Variants in LEPR observed in about 807,000 individuals in gnomAD.
LEPR encodes leptin receptor.
In LEPR, 56 loss-of-function variants were observed where a neutral mutation model predicts 114.7. The ratio of observed to expected loss-of-function variants is 0.49; its 90% CI spans 0.39 to 0.61. The LOEUF is 0.61. LEPR is among the 20% of genes least tolerant of loss of function. The pLI, the probability that LEPR is intolerant of heterozygous loss-of-function variation, is 0.00. For synonymous variants in LEPR, 443 were observed against 461.4 expected, an observed-to-expected ratio of 0.96 and a Z score of 0.51; for missense variants, 1,202 against 1,352.9, an observed-to-expected ratio of 0.89 and a Z score of 1.75.
chr1:65,605,726 C>T (rs1363599689), intron 11 of LEPR, among the ~76,000 whole-genome samples: 1 of 152,058 alleles, frequency 6.6e-6, no homozygotes, highest in Non-Finnish European at 1.5e-5. Flanking sequence ...CAATGACATA[C>T]ATTATATTTT....
chr1:65,549,131 T>C (rs1652052952), intron 2 of LEPR, among the ~76,000 whole-genome samples: 1 of 151,608 alleles, frequency 6.6e-6, no homozygotes, highest in African/African-American at 2.4e-5. Context: ...ATGTTGAATA[T>C]TGGTCCCCAC....
chr1:65,464,704 C>T (rs1646987754), intron 2 of LEPR, among the ~76,000 whole-genome samples: 1 of 152,100 alleles, frequency 6.6e-6, no homozygotes, highest in Admixed American at 6.5e-5. Context: ...AATTTCAGAA[C>T]CTGTTATTGG....
chr1:65,586,409 C>CT (rs1334747770), intron 5 of LEPR, among the ~76,000 whole-genome samples: 1 of 152,010 alleles, frequency 6.6e-6, no homozygotes, highest in Non-Finnish European at 1.5e-5. Flanking sequence ...GTACAAAATA[C>CT]TTTTGGCTTA....
chr1:65,573,714 T>C (rs1654373707), intron 5 of LEPR, among the ~76,000 whole-genome samples: 1 of 152,106 alleles, frequency 6.6e-6, no homozygotes, highest in African/African-American at 2.4e-5. Context: ...ACTGTCCCTA[T>C]ACAAATGAAT....
At chr1:65,484,931 G>A (rs184412453) in intron 2 of LEPR, among the ~76,000 whole-genome samples, 18 of 152,264 alleles carry the variant, frequency 1.2e-4, no homozygotes, top group African/African-American at 3.6e-4. Flanking sequence ...ATGTTTATAA[G>A]GAAATCTGCT....
rs181350595 is a variant in LEPR, at chr1:65,633,707, C to T, written c.2674-2484C>T. 533 of 985,314 alleles carry T rather than the reference C, an allele frequency of 5.4e-4. 2 individuals are homozygous for T. The African/African-American group carries it at 8.3e-3, about 15-fold the overall frequency. The allele number at this position is 985,314 out of a possible 1,614,324, so 61.0% of individuals were successfully genotyped here. ...ACGTCAGCCTAAAAATCAGCCTATT[C>T]GGGTGTTCTTTTGAATATCTCCTGG... On this transcript the variant is annotated intron_variant, in intron 19 of 19. Transcript: ENST00000349533. This position sits in a 1 kb window ranked among gnomAD's most constrained non-coding sequence, Gnocchi z 4.1.
intron 2 of LEPR, among the ~76,000 whole-genome samples, chr1:65,558,526 GTTTTTTTT>G (rs1187502644): frequency 1.3e-4 from 1 of 7,748 alleles, no homozygotes; most frequent in African/African-American, 5.5e-4. Context: ...TGAATCAGAA[GTTTTTTTT>G]TTTGTTTTTT....
At chr1:65,634,486 T>G in intron 19 of LEPR, 1 of 947,102 alleles carries the variant, frequency 1.1e-6, no homozygotes, top group Non-Finnish European at 1.3e-6. Flanking sequence ...ATGGATATAC[T>G]TTTAATAAAG....
chr1:65,513,088 G>C (rs1649108971), intron 2 of LEPR, among the ~76,000 whole-genome samples: 1 of 152,118 alleles, frequency 6.6e-6, no homozygotes, highest in Non-Finnish European at 1.5e-5. Flanking sequence ...GAACAATCTT[G>C]ACTGGCCTTT....
Position 65,636,979 on chromosome 1 carries a change from GATC to G in LEPR, c.3465_3467del (p.Ile1155del). On this transcript the variant is annotated inframe_deletion, in exon 20 of 20. Transcript: ENST00000349533. ...AAACTTGTTCTACTCAGACTCATAAGATCATGGAAAACAAGATGTGTGACCTAA... is the reference window on the plus strand; with the variant it reads ...AAACTTGTTCTACTCAGACTCATAAGATGGAAAACAAGATGTGTGACCTAA... 6.2e-7 allele frequency: 1 copy of G among 1,613,552 alleles called. No individual in the cohort carries two copies. The highest frequency in any genetic ancestry group is 8.5e-7 in the Non-Finnish European group (1 of 1,179,882).
chr1:65,617,890 T>C, intron 15 of LEPR, 74 bp from the exon 16 acceptor site: 1 of 1,428,670 alleles, frequency 7.0e-7, no homozygotes, highest in Non-Finnish European at 9.4e-7. Flanking sequence ...TAGTAGGTTA[T>C]AAGTTCCTCA....
rs926314054 is a variant in LEPR at position 65,435,900 on chromosome 1, A to G, written c.-21+10522A>G. 5 of 984,800 alleles carry G rather than the reference A, an allele frequency of 5.1e-6. No individual in the cohort carries two copies. In the African/African-American group the frequency reaches 8.7e-5, roughly 17 times the overall value. The allele number at this position is 984,800 out of a possible 1,614,324, so 61.0% of individuals were successfully genotyped here. A position where few individuals can be genotyped will look rare whatever the true frequency, so the allele number is the denominator to read the frequency against. On this transcript the variant is annotated intron_variant, in intron 2 of 19. Coordinates refer to ENST00000349533, the MANE Select transcript of LEPR (RefSeq NM_002303.6). ...ACTGAGTAATAGCTCATAAATTATA[A>G]TCTTTCAAATAGCCATGCTACCAGC...
intron 5 of LEPR, chr1:65,576,855 AC>A (rs1654621840): frequency 3.2e-6 from 1 of 308,494 alleles, no homozygotes; most frequent in Non-Finnish European, 6.4e-6. Context: ...ACCTCCACAC[AC>A]CCAGATCTGA....
intron 5 of LEPR, among the ~76,000 whole-genome samples, chr1:65,585,732 A>G (rs935046122): frequency 5.3e-5 from 8 of 152,022 alleles, no homozygotes; most frequent in Admixed American, 1.3e-4. Flanking sequence ...GAAATTCTTA[A>G]TGTTTGCTTG....
intron 2 of LEPR, among the ~76,000 whole-genome samples, chr1:65,467,464 G>A (rs777883501): frequency 6.6e-6 from 1 of 152,170 alleles, no homozygotes; most frequent in Non-Finnish European, 1.5e-5. Flanking sequence ...ACTGGAAGGT[G>A]TTTCCCAGTA....
At chr1:65,489,367 A>G (rs1235005447) in intron 2 of LEPR, among the ~76,000 whole-genome samples, 3 of 152,102 alleles carry the variant, frequency 2.0e-5, no homozygotes, top group Admixed American at 1.3e-4. Context: ...CTGATGATCA[A>G]TGTTGTTGAG....
At chr1:65,559,927 A>G (rs1653183560) in intron 2 of LEPR, among the ~76,000 whole-genome samples, 1 of 144,466 alleles carries the variant, frequency 6.9e-6, no homozygotes, top group African/African-American at 2.6e-5. Flanking sequence ...TTTTGGTACC[A>G]GTACCATGCT....
chr1:65,432,658 A>C (rs966149585), intron 2 of LEPR: 1 of 984,194 alleles, frequency 1.0e-6, no homozygotes, highest in African/African-American at 1.7e-5. Context: ...CAAATTTATG[A>C]AAAGTGTTCT....
chr1:65,566,162 G>A (rs1653737233), intron 3 of LEPR, among the ~76,000 whole-genome samples: 1 of 142,904 alleles, frequency 7.0e-6, no homozygotes, highest in Non-Finnish European at 1.5e-5. Context: ...AACTTCATGT[G>A]TCTTTGTATA....
Sources: allele counts gnomAD v4.1 joint callset (sites outside exome capture counted in the v4.1 genomes callset), GRCh38; gene constraint gnomAD v4.1.1; non-coding constraint Gnocchi (gnomAD v3.1); transcripts MANE v1.5; gene names NCBI Gene and HGNC (gene_info 2026-07-23, HGNC 2026-07-21).